The following MLLT3 variants were observed in gnomAD, a reference collection of about 807,000 sequenced individuals.
The protein encoded by MLLT3 is protein AF-9.
A neutral mutation model predicts 53.2 loss-of-function variants in MLLT3; 4 were observed. That is an observed-to-expected ratio of 0.08 (90% CI 0.04 to 0.17). MLLT3 has a LOEUF of 0.17. Among genes scored for constraint, MLLT3 ranks in the 10% least tolerant of loss-of-function variants. MLLT3 has a pLI of 1.00. For missense variants in MLLT3, 569 were observed against 684.0 expected, an observed-to-expected ratio of 0.83 and a Z score of 1.87; for synonymous variants, 283 against 230.6, an observed-to-expected ratio of 1.23 and a Z score of -2.06.
chr9:20,342,207 C>G lies in MLLT3; in HGVS notation c.*4236G>C. The G allele has an allele frequency of 9.1e-6, 2 of 219,618 alleles. No homozygotes were observed. Among genetic ancestry groups the G allele is most frequent in the Non-Finnish European group, 1.8e-5 (2 of 109,450 alleles). 13.6% of individuals were successfully genotyped at this position (219,618 alleles called of 1,614,324 possible). The stretch of plus-strand genomic sequence containing the variant: ...ACAATTATACATTTTAAAAAAGGTG[C>G]TGAAACAGATTATATGAGTTTAAGT... On this transcript the variant is annotated 3_prime_UTR_variant, in exon 11 of 11. Coordinates refer to ENST00000380338, the MANE Select transcript of MLLT3 (RefSeq NM_004529.4).
At chr9:20,467,611 G>A (rs572203721) in intron 2 of MLLT3, among the ~76,000 whole-genome samples, 9 of 152,152 alleles carry the variant, frequency 5.9e-5, no homozygotes, top group African/African-American at 2.2e-4. Context: ...AATAAAAGTC[G>A]ATGAGCAGAT....
At chr9:20,404,429 G>C (rs2118753227) in intron 5 of MLLT3, among the ~76,000 whole-genome samples, 1 of 152,246 alleles carries the variant, frequency 6.6e-6, no homozygotes, top group South Asian at 2.1e-4. Context: ...ATGGCAATTT[G>C]CATCTATAAT....
chr9:20,525,257 G>C (rs985316545), intron 2 of MLLT3, among the ~76,000 whole-genome samples: 1 of 152,114 alleles, frequency 6.6e-6, no homozygotes, highest in African/African-American at 2.4e-5. Context: ...AGCACTTTGG[G>C]AGGCCGACAC....
chr9:20,594,230 C>T (rs984688304), intron 2 of MLLT3, among the ~76,000 whole-genome samples: 4 of 152,066 alleles, frequency 2.6e-5, no homozygotes, highest in Non-Finnish European at 2.9e-5. Flanking sequence ...TATAAGACAC[C>T]GTGCCCAACC....
chr9:20,439,113 C>T (rs1436402567), intron 4 of MLLT3, among the ~76,000 whole-genome samples: 6 of 152,108 alleles, frequency 3.9e-5, no homozygotes, highest in African/African-American at 7.2e-5. Flanking sequence ...CCAGCACTTT[C>T]GGAGCTGAGG....
chr9:20,430,734 C>T (rs1159572452), intron 4 of MLLT3, among the ~76,000 whole-genome samples: 2 of 151,980 alleles, frequency 1.3e-5, no homozygotes, highest in African/African-American at 2.4e-5. Context: ...AAAGAACTAA[C>T]TATTTTAAAA....
At chr9:20,582,154 C>T (rs1819808736) in intron 2 of MLLT3, among the ~76,000 whole-genome samples, 1 of 152,160 alleles carries the variant, frequency 6.6e-6, no homozygotes, top group Non-Finnish European at 1.5e-5. Context: ...CTCTACCTGG[C>T]TCTCATTTTC....
chr9:20,509,008 A>G (rs1031618514), intron 2 of MLLT3, among the ~76,000 whole-genome samples: 5 of 152,206 alleles, frequency 3.3e-5, no homozygotes, highest in Non-Finnish European at 7.3e-5. Flanking sequence ...TTACAGGTCA[A>G]TGTACATCAG....
chr9:20,565,660 T>C (rs1228704160), intron 2 of MLLT3, among the ~76,000 whole-genome samples: 1 of 151,628 alleles, frequency 6.6e-6, no homozygotes, highest in Non-Finnish European at 1.5e-5. Flanking sequence ...CGGTACCTTT[T>C]CAAAAATATT....
At chr9:20,604,266 A>G (rs555989373) in intron 2 of MLLT3, among the ~76,000 whole-genome samples, 2 of 152,228 alleles carry the variant, frequency 1.3e-5, no homozygotes, top group African/African-American at 4.8e-5. Flanking sequence ...CTCTACACTT[A>G]TCCAAGATGA....
intron 2 of MLLT3, among the ~76,000 whole-genome samples, chr9:20,601,716 C>CTT (rs5896906): frequency 2.6e-5 from 4 of 152,036 alleles, no homozygotes; most frequent in East Asian, 1.9e-4. Flanking sequence ...TAAACCCTTT[C>CTT]TTTTTTTGTT....
intron 9 of MLLT3, among the ~76,000 whole-genome samples, chr9:20,354,158 GA>G (rs1419203572): frequency 6.6e-6 from 1 of 152,176 alleles, no homozygotes; most frequent in Non-Finnish European, 1.5e-5. Flanking sequence ...CAGAAGAACA[GA>G]AGAATGTATT....
At chr9:20,375,116 T>G (rs1821724845) in intron 5 of MLLT3, among the ~76,000 whole-genome samples, 1 of 152,244 alleles carries the variant, frequency 6.6e-6, no homozygotes, top group African/African-American at 2.4e-5. Context: ...AATAAATTGC[T>G]GTTGCTTAAG....
intron 5 of MLLT3, among the ~76,000 whole-genome samples, chr9:20,408,501 C>T (rs925261345): frequency 1.3e-5 from 2 of 152,072 alleles, no homozygotes; most frequent in African/African-American, 4.8e-5. Flanking sequence ...GCAGAATTTA[C>T]CAGAGGAAGA....
At chr9:20,593,145 A>G (rs1820170244) in intron 2 of MLLT3, among the ~76,000 whole-genome samples, 1 of 152,242 alleles carries the variant, frequency 6.6e-6, no homozygotes, top group Admixed American at 6.5e-5. Context: ...AGCCACAAGC[A>G]TATTTAAAAT....
intron 6 of MLLT3, among the ~76,000 whole-genome samples, chr9:20,364,023 C>T (rs1033741609): frequency 6.6e-6 from 1 of 152,096 alleles, no homozygotes; most frequent in African/African-American, 2.4e-5. Flanking sequence ...ACTTTTTGAT[C>T]CATTAAGGTT....
chr9:20,471,382 C>G (rs1388050067), intron 2 of MLLT3, among the ~76,000 whole-genome samples: 4 of 151,928 alleles, frequency 2.6e-5, no homozygotes, highest in African/African-American at 9.7e-5. Flanking sequence ...TTCAGAAAGT[C>G]AAGGAGGACT....
At chr9:20,444,597 A>G (rs1823643108) in intron 4 of MLLT3, among the ~76,000 whole-genome samples, 1 of 152,064 alleles carries the variant, frequency 6.6e-6, no homozygotes, top group Non-Finnish European at 1.5e-5. Context: ...AAGGGGCTGG[A>G]CGCAGTGACT....
intron 2 of MLLT3, among the ~76,000 whole-genome samples, chr9:20,457,274 G>A (rs1158670124): frequency 1.6e-5 from 2 of 124,288 alleles, no homozygotes; most frequent in Admixed American, 1.8e-4. Context: ...TTGAGACGGA[G>A]TTTCACTCTT....
Sources: gnomAD v4.1 joint callset for allele counts (sites outside exome capture counted in the v4.1 genomes callset) on GRCh38, gnomAD v4.1.1 for gene constraint, MANE v1.5 for transcripts, NCBI Gene and HGNC (gene_info 2026-07-23, HGNC 2026-07-21) for gene names.